The following PKIA variants were observed in gnomAD, a reference collection of about 807,000 sequenced individuals.
The protein encoded by PKIA is cAMP-dependent protein kinase inhibitor alpha.
A neutral mutation model predicts 7.6 loss-of-function variants in PKIA; 4 were observed. The observed-to-expected ratio is 0.52, with a 90% CI of 0.26 to 1.20. The LOEUF (loss-of-function observed/expected upper bound fraction) is 1.20, where lower values mean the gene tolerates loss of function less well. PKIA is among the 50% of genes most tolerant of loss of function. The probability of loss-of-function intolerance (pLI) is 0.13; values close to 1 mark genes in which losing one functional copy is unlikely to be tolerated. For missense variants in PKIA, 73 were observed against 86.2 expected (o/e 0.85, Z 0.61); for synonymous variants, 21 against 30.7 (o/e 0.68, Z 1.04).
At chr8:78,558,349 G>A (rs116684358) in intron 1 of PKIA, 244 of 152,458 alleles carry the variant, frequency 1.6e-3, no homozygotes, top group African/African-American at 5.7e-3. Context: ...GTAGGTAATT[G>A]TATTAGTCTG....
Position 78,597,648 on chromosome 8 carries a change from A to G in PKIA, c.-27-710A>G, listed in dbSNP as rs1013437555. 5.9e-5 allele frequency among the ~76,000 whole-genome samples: 9 copies of G among 152,338 alleles called. No homozygotes were observed. The South Asian group carries it at 1.2e-3, about 21-fold the overall frequency. ...ATGACTAAAATGGTATTAGAGAAAG[A>G]AAATTTTATAATGTAAACTAAATGT... On this transcript the variant is annotated intron_variant, in intron 2 of 3. Coordinates refer to ENST00000396418, the MANE Select transcript of PKIA (RefSeq NM_006823.4).
intron 1 of PKIA, among the ~76,000 whole-genome samples, chr8:78,569,493 T>C (rs1807497849): frequency 6.6e-6 from 1 of 152,170 alleles, no homozygotes; most frequent in African/African-American, 2.4e-5. Context: ...CCCACCCTTG[T>C]AGCTTTCTTG....
chr8:78,599,357 T>C (rs900866412), intron 3 of PKIA, among the ~76,000 whole-genome samples: 21 of 152,206 alleles, frequency 1.4e-4, no homozygotes, highest in Admixed American at 7.2e-4. Context: ...AAAGCACTTA[T>C]CACAGTTTCT....
At chr8:78,519,732 TTAATC>T (rs1175018489) in intron 1 of PKIA, among the ~76,000 whole-genome samples, 1 of 152,224 alleles carries the variant, frequency 6.6e-6, no homozygotes, top group Admixed American at 6.5e-5. Flanking sequence ...GTGATATCTC[TTAATC>T]TAATTTGTCA....
intron 1 of PKIA, among the ~76,000 whole-genome samples, chr8:78,530,536 C>T (rs993836808): frequency 2.0e-5 from 3 of 151,794 alleles, no homozygotes; most frequent in Non-Finnish European, 2.9e-5. Context: ...TTTTTTTCCA[C>T]CATATCTTTG....
chr8:78,571,000 C>A (rs1373936687), intron 1 of PKIA, among the ~76,000 whole-genome samples: 1 of 152,030 alleles, frequency 6.6e-6, no homozygotes, highest in South Asian at 2.1e-4. Flanking sequence ...TATCTGGATG[C>A]CCCAATAAAG....
chr8:78,557,978 C>A (rs1807185255), intron 1 of PKIA, among the ~76,000 whole-genome samples: 1 of 152,168 alleles, frequency 6.6e-6, no homozygotes, highest in Non-Finnish European at 1.5e-5. Flanking sequence ...TCTAAGATGT[C>A]TTTTTTCCAC....
intron 1 of PKIA, among the ~76,000 whole-genome samples, chr8:78,556,036 G>A (rs1372591810): frequency 1.3e-5 from 2 of 151,950 alleles, no homozygotes; most frequent in African/African-American, 4.8e-5. Context: ...ATGATAGAAA[G>A]CACAGTTTGT....
rs1273545437 is a variant in PKIA at position 78,604,363 on chromosome 8, G to A, written c.*2542G>A. On this transcript the variant is annotated 3_prime_UTR_variant, in exon 4 of 4. Coordinates refer to ENST00000396418, the MANE Select transcript of PKIA (RefSeq NM_006823.4). ...GAAGCTTAAAAAGCTAGTAAGTGAT[G>A]AACTGAGGATTTGAACCCATGTTTG... is the stretch of plus-strand genomic sequence containing the variant. 1 of 151,934 alleles carries A rather than the reference G, an allele frequency of 6.6e-6. No homozygotes were observed. The highest frequency in any genetic ancestry group is 1.5e-5 in the Non-Finnish European group (1 of 67,936). 9.4% of individuals were successfully genotyped at this position (151,934 alleles called of 1,614,324 possible).
intron 2 of PKIA, among the ~76,000 whole-genome samples, chr8:78,580,428 GT>G (rs1404317807): frequency 1.3e-5 from 2 of 151,642 alleles, no homozygotes; most frequent in Non-Finnish European, 2.9e-5. Context: ...AAACAATTTA[GT>G]ACAAAAGCCA....
At chr8:78,579,956 G>T (rs1459708265) in intron 2 of PKIA, among the ~76,000 whole-genome samples, 1 of 152,000 alleles carries the variant, frequency 6.6e-6, no homozygotes, top group African/African-American at 2.4e-5. Flanking sequence ...ATGGGCTGGT[G>T]CAGAGCACCA....
chr8:78,536,859 T>TACATAC (rs1806537162), intron 1 of PKIA, among the ~76,000 whole-genome samples: 2 of 136,042 alleles, frequency 1.5e-5, no homozygotes, highest in Non-Finnish European at 3.2e-5. Context: ...CTAGAAAACA[T>TACATAC]ACACACACAC....
rs1445633416 is a variant in PKIA at position 78,518,626 on chromosome 8, A to G, written c.-157+2158A>G. Among the ~76,000 whole-genome samples the G allele has an allele frequency of 3.3e-5, 5 of 152,288 alleles. No individual in the cohort carries two copies. The East Asian group carries it at 9.7e-4, about 29-fold the overall frequency. On this transcript the variant is annotated intron_variant, in intron 1 of 3. Coordinates refer to ENST00000396418, the MANE Select transcript of PKIA (RefSeq NM_006823.4). ...GCAAGTGCGTGAGAATATCCTAATG[A>G]TGGTTAGAAATTCGAAGTGTCTATC... is the stretch of plus-strand genomic sequence containing the variant.
chr8:78,536,944 T>C (rs1049266123), intron 1 of PKIA, among the ~76,000 whole-genome samples: 2 of 150,968 alleles, frequency 1.3e-5, no homozygotes, highest in African/African-American at 4.9e-5. Flanking sequence ...TCAACTCCCA[T>C]ATCTGAGTGG....
At chr8:78,544,650 AT>A (rs1307007992) in intron 1 of PKIA, among the ~76,000 whole-genome samples, 1 of 152,196 alleles carries the variant, frequency 6.6e-6, no homozygotes, top group Non-Finnish European at 1.5e-5. Flanking sequence ...CTTTTCATCT[AT>A]TAATCCAGGA....
At chr8:78,577,750 G>A (rs1322264470) in intron 2 of PKIA, among the ~76,000 whole-genome samples, 1 of 151,942 alleles carries the variant, frequency 6.6e-6, no homozygotes, top group Non-Finnish European at 1.5e-5. Flanking sequence ...GACCTTATCT[G>A]GTCTTTAGTG....
chr8:78,587,712 C>T (rs903493562), intron 2 of PKIA, among the ~76,000 whole-genome samples: 11 of 152,080 alleles, frequency 7.2e-5, no homozygotes, highest in Non-Finnish European at 1.5e-4. Context: ...TTAGATTACT[C>T]GGGATTCTAG....
chr8:78,601,152 T>A (rs1244137388), intron 3 of PKIA, among the ~76,000 whole-genome samples: 2 of 151,976 alleles, frequency 1.3e-5, no homozygotes, highest in Non-Finnish European at 2.9e-5. Context: ...ATTGTGCACA[T>A]GTTCTCTAAG....
chr8:78,550,648 CATTT>C (rs1295686490), intron 1 of PKIA, among the ~76,000 whole-genome samples: 1 of 151,988 alleles, frequency 6.6e-6, no homozygotes, highest in Admixed American at 6.6e-5. Context: ...TTAAATATTT[CATTT>C]ATTTATGTTT....
Sources: allele counts gnomAD v4.1 joint callset (sites outside exome capture counted in the v4.1 genomes callset), GRCh38; gene constraint gnomAD v4.1.1; transcripts MANE v1.5; gene names NCBI Gene and HGNC (gene_info 2026-07-23, HGNC 2026-07-21).